PIK3CD: variants seen among roughly 807,000 people sequenced by gnomAD.
PIK3CD encodes phosphatidylinositol 4,5-bisphosphate 3-kinase catalytic subunit delta isoform.
Under a neutral mutation model 122.9 loss-of-function variants are expected in PIK3CD, and 20 were observed. That is an observed-to-expected ratio of 0.16 (90% CI 0.11 to 0.24). The LOEUF (loss-of-function observed/expected upper bound fraction) is 0.24. PIK3CD is among the 10% of genes least tolerant of loss of function. PIK3CD has a pLI of 1.00. For synonymous variants in PIK3CD, 596 were observed against 593.4 expected, an observed-to-expected ratio of 1.00 and a Z score of -0.06; for missense variants, 787 against 1,406.3, an observed-to-expected ratio of 0.56 and a Z score of 7.04.
Position 9,720,646 on chromosome 1 carries a change from T to A in PIK3CD, c.1506T>A (p.His502Gln). ...LELGRHSECVHVTEEEQLQLR... is the reference protein window; with the variant it reads ...LELGRHSECVQVTEEEQLQLR... ...TGGGGCGACACAGCGAGTGTGTGCA[T>A]GTCACCGAGGAGGAGGTGAGTGGGG... is the stretch of plus-strand genomic sequence containing the variant. Residue 502 changes from histidine to glutamine, a missense_variant, in exon 12 of 24, where the codon CAT (histidine) becomes CAA (glutamine). By Grantham distance (24) the His-to-Gln change is conservative (BLOSUM62 0). This residue lies in a region of PIK3CD where 592 missense variants were observed against 920.6 expected (regional missense o/e 0.64). Transcript: ENST00000377346. This position sits in a 1 kb window ranked among gnomAD's most constrained non-coding sequence, Gnocchi z 9.0. The A allele has an allele frequency of 1.5e-6, 2 of 1,297,108 alleles. No individual in the cohort carries two copies. Among genetic ancestry groups the A allele is most frequent in the Non-Finnish European group, 2.0e-6 (2 of 995,462 alleles). 80.3% of individuals were successfully genotyped at this position (1,297,108 alleles called of 1,614,324 possible).
At position 9,695,063 on chromosome 1, in the gene PIK3CD, A is replaced by C. The variant is rs572271751; in HGVS notation, c.-33+3492A>C. 7.2e-5 allele frequency among the ~76,000 whole-genome samples: 11 copies of C among 152,318 alleles called. No homozygotes were observed. The South Asian group carries it at 2.1e-3, about 29-fold the overall frequency. On this transcript the variant is annotated intron_variant, in intron 2 of 23. Transcript: ENST00000377346. Reference sequence around the variant, plus strand: ...AAAAAAAATTTGAGAAGTCACAAACAGGGTCGTATGGGGAAAAAAAGGCAC... The same window carrying C: ...AAAAAAAATTTGAGAAGTCACAAACCGGGTCGTATGGGGAAAAAAAGGCAC...
Position 9,717,976 on chromosome 1 carries a change from T to C in PIK3CD, c.1020+350T>C, listed in dbSNP as rs1647811470. Among the ~76,000 whole-genome samples, 1 of 152,000 alleles carries C rather than the reference T, an allele frequency of 6.6e-6. No individual in the cohort carries two copies. Among genetic ancestry groups the C allele is most frequent in the South Asian group, 2.1e-4 (1 of 4,818 alleles). The stretch of plus-strand genomic sequence containing the variant: ...CTGGGTCCAGCTGGGCTGGGGGCTG[T>C]GGTGCTCCCTGGAGGCACCAGGGCG... On this transcript the variant is annotated intron_variant, in intron 8 of 23. Coordinates refer to ENST00000377346, the MANE Select transcript of PIK3CD (RefSeq NM_005026.5). The surrounding 1 kb of genome is among the most constrained non-coding windows in gnomAD (Gnocchi z 5.4).
rs1467980864 is a variant in PIK3CD at position 9,710,142 on chromosome 1, C to T, written c.-32-282C>T. ...ACTGGCTTTCGTGGATGTGTATGTT[C>T]CTGAGGAAAGATGATTTGCTGTGCG... On this transcript the variant is annotated intron_variant, in intron 2 of 23. Transcript: ENST00000377346. This position sits in a 1 kb window ranked among gnomAD's most constrained non-coding sequence, Gnocchi z 4.7. The T allele has an allele frequency of 1.7e-5, 7 of 419,986 alleles. No individual in the cohort carries two copies. The highest frequency in any genetic ancestry group is 2.7e-5 in the Non-Finnish European group (6 of 222,390). The allele number at this position is 419,986 out of a possible 1,614,324, so 26.0% of individuals were successfully genotyped here.
chr1:9,710,061 C>T lies in PIK3CD; in HGVS notation c.-32-363C>T, dbSNP rs1646987793. ...CTGCAGCCTTCGGCCTCTCAGGTCT[C>T]AGGGCACCTGACCAGCTGTCCTGCC... On this transcript the variant is annotated intron_variant, in intron 2 of 23. Coordinates refer to ENST00000377346, the MANE Select transcript of PIK3CD (RefSeq NM_005026.5). This position sits in a 1 kb window ranked among gnomAD's most constrained non-coding sequence, Gnocchi z 4.7. 3.1e-6 allele frequency: 1 copy of T among 323,334 alleles called. No individual in the cohort carries two copies. 20.0% of individuals were successfully genotyped at this position (323,334 alleles called of 1,614,324 possible).
rs1309308175 is a variant in PIK3CD, at chr1:9,689,098, G to A, written c.-137-2369G>A. ...AGTCTGGCTCCGGCTCTGTGACCTG[G>A]GTCCAGTACCCCGCCCTTTCTGCGG... is the stretch of plus-strand genomic sequence containing the variant. On this transcript the variant is annotated intron_variant, in intron 1 of 23. Transcript: ENST00000377346. This position sits in a 1 kb window ranked among gnomAD's most constrained non-coding sequence, Gnocchi z 6.1. Among the ~76,000 whole-genome samples, 2 of 152,234 alleles carry A rather than the reference G, an allele frequency of 1.3e-5. 1 individual carries two copies. Among genetic ancestry groups the A allele is most frequent in the South Asian group, 4.1e-4 (2 of 4,834 alleles).
At position 9,668,182 on chromosome 1, in the gene PIK3CD, T is replaced by C. The variant is rs77798397; in HGVS notation, c.-138+16380T>C. ...CAACTCCCCGGGAGTTGGATTCATCTTGAAATTCAGTAATGCAGTAGTTAA... is the reference window on the plus strand; with the variant it reads ...CAACTCCCCGGGAGTTGGATTCATCCTGAAATTCAGTAATGCAGTAGTTAA... On this transcript the variant is annotated intron_variant, in intron 1 of 23. Transcript: ENST00000377346. Among the ~76,000 whole-genome samples, 1,195 of 152,250 alleles carry C rather than the reference T, an allele frequency of 7.8e-3. 35 individuals are homozygous for C. Among genetic ancestry groups the C allele is most frequent in the Admixed American group, 0.049 (745 of 15,264 alleles).
chr1:9,692,623 G>A (rs972168951), intron 2 of PIK3CD, among the ~76,000 whole-genome samples: 6 of 152,054 alleles, frequency 3.9e-5, no homozygotes, highest in Admixed American at 1.3e-4. Context: ...CCAGCTACTC[G>A]AGAGGCTGAG....
In PIK3CD at chr1:9,726,982, G is replaced by C; in HGVS notation, c.3071G>C (p.Arg1024Pro). Residue 1024 changes from arginine (R) to proline (P), a missense_variant, in exon 24 of 24, where the codon CGT becomes CCT. Around this residue, in one of 6 missense-constraint regions of PIK3CD, gnomAD observed 60 missense variants for 129.5 expected, o/e 0.46. Coordinates refer to ENST00000377346, the MANE Select transcript of PIK3CD (RefSeq NM_005026.5). ...CGAGTGAAGTTTAACGAAGCCCTCC[G>C]TGAGAGCTGGAAAACCAAAGTGAAC... ...HFRVKFNEALRESWKTKVNWL... is the reference protein window; with the variant it reads ...HFRVKFNEALPESWKTKVNWL... 1 of 1,614,040 alleles carries C rather than the reference G, an allele frequency of 6.2e-7. No homozygotes were observed. Among genetic ancestry groups the C allele is most frequent in the Non-Finnish European group, 8.5e-7 (1 of 1,179,978 alleles).
chr1:9,633,114 G>T, the PIK3CD span, among the ~76,000 whole-genome samples: 2 of 152,076 alleles, frequency 1.3e-5, no homozygotes, highest in Non-Finnish European at 2.9e-5. Flanking sequence ...GCCCGCCTCG[G>T]CCTCCCATAG....
the PIK3CD span, among the ~76,000 whole-genome samples, chr1:9,638,777 A>ATT: frequency 0.16 from 19,133 of 116,924 alleles, 1,936 homozygotes; most frequent in East Asian, 0.21. Context: ...CTTTTGCAAG[A>ATT]TTTTTTTTTT....
At chr1:9,650,311 A>G (rs575329948), upstream of PIK3CD, among the ~76,000 whole-genome samples, 8 of 152,236 alleles carry the variant, frequency 5.3e-5, no homozygotes, top group African/African-American at 1.7e-4. Context: ...AGTCCCAGCT[A>G]CTCAGGAGGC....
In PIK3CD at chr1:9,722,643, G is replaced by A; in HGVS notation, c.2426+37G>A. 6.4e-7 allele frequency: 1 copy of A among 1,558,932 alleles called. No homozygotes were observed. The highest frequency in any genetic ancestry group is 8.8e-7 in the Non-Finnish European group (1 of 1,130,236). Reference sequence around the variant, plus strand: ...CACCCCACATCGTCCCTTGGTGTCTGTGCCCAGCCTGGGAGTCTGTGCCCC... The same window carrying A: ...CACCCCACATCGTCCCTTGGTGTCTATGCCCAGCCTGGGAGTCTGTGCCCC... On this transcript the variant is annotated intron_variant, in intron 19 of 23. Coordinates refer to ENST00000377346, the MANE Select transcript of PIK3CD (RefSeq NM_005026.5). This position sits in a 1 kb window ranked among gnomAD's most constrained non-coding sequence, Gnocchi z 7.6.
the PIK3CD span, among the ~76,000 whole-genome samples, chr1:9,641,482 G>C: frequency 6.6e-6 from 1 of 152,226 alleles, no homozygotes; most frequent in Non-Finnish European, 1.5e-5. Flanking sequence ...ACAGCCGACA[G>C]ATGGTGGGGC....
chr1:9,717,241 C>A lies in PIK3CD; in HGVS notation c.930+133C>A. 8.5e-7 allele frequency: 1 copy of A among 1,177,460 alleles called. No individual in the cohort carries two copies. The highest frequency in any genetic ancestry group is 1.2e-6 in the Non-Finnish European group (1 of 810,278). The allele number at this position is 1,177,460 out of a possible 1,614,324, so 72.9% of individuals were successfully genotyped here. A position where few individuals can be genotyped will look rare whatever the true frequency, so the allele number is the denominator to read the frequency against. ...TGGGGCTTTGAGCTGGGGAAGCCAA[C>A]ACAGCTGACCAGCGTCCTGGGCTGG... is the stretch of plus-strand genomic sequence containing the variant. On this transcript the variant is annotated intron_variant, in intron 7 of 23. Coordinates refer to ENST00000377346, the MANE Select transcript of PIK3CD (RefSeq NM_005026.5). The surrounding 1 kb of genome is among the most constrained non-coding windows in gnomAD (Gnocchi z 5.4).
chr1:9,719,058 C>A lies in PIK3CD; in HGVS notation c.1242+143C>A. The A allele has an allele frequency of 1.3e-6, 1 of 786,696 alleles. No homozygotes were observed. The highest frequency in any genetic ancestry group is 2.1e-6 in the Non-Finnish European group (1 of 473,302). The allele number at this position is 786,696 out of a possible 1,614,324, so 48.7% of individuals were successfully genotyped here. A position where few individuals can be genotyped will look rare whatever the true frequency, so the allele number is the denominator to read the frequency against. On this transcript the variant is annotated intron_variant, in intron 9 of 23. Transcript: ENST00000377346. The surrounding 1 kb of genome is among the most constrained non-coding windows in gnomAD (Gnocchi z 5.5). ...GATTGCTTGTGGACCCCAGCCTCCT[C>A]ACCCACCCTAGTCTGGCCACCAGCC...
rs139514049 is a variant in PIK3CD at position 9,711,204 on chromosome 1, G to A, written c.141+608G>A. Among the ~76,000 whole-genome samples the A allele has an allele frequency of 7.8e-4, 117 of 150,648 alleles. No homozygotes were observed. In the East Asian group the frequency reaches 0.021, roughly 27 times the overall value. On this transcript the variant is annotated intron_variant, in intron 3 of 23. Transcript: ENST00000377346. ...TGCCTCCCAGGCTCAAGCAGTTCTC[G>A]TGCCTCAGCCTCCTGAGTAGCTGGG... is the stretch of plus-strand genomic sequence containing the variant.
At position 9,717,683 on chromosome 1, in the gene PIK3CD, T is replaced by C. The variant is rs563854366; in HGVS notation, c.1020+57T>C. 7.0e-5 allele frequency: 106 copies of C among 1,504,372 alleles called. 1 individual carries two copies. In the South Asian group the frequency reaches 1.1e-3, roughly 15 times the overall value. 93.2% of individuals were successfully genotyped at this position (1,504,372 alleles called of 1,614,324 possible). ...TGTTTTTTTGCACAAACAAGGTGGCTGTATCCTGGAGGGGTAGCAGAGGAA... is the reference window on the plus strand; with the variant it reads ...TGTTTTTTTGCACAAACAAGGTGGCCGTATCCTGGAGGGGTAGCAGAGGAA... On this transcript the variant is annotated intron_variant, in intron 8 of 23. Coordinates refer to ENST00000377346, the MANE Select transcript of PIK3CD (RefSeq NM_005026.5). The surrounding 1 kb of genome is among the most constrained non-coding windows in gnomAD (Gnocchi z 5.4).
Position 9,723,759 on chromosome 1 carries a change from T to C in PIK3CD, c.2595-210T>C, listed in dbSNP as rs1649060081. Among the ~76,000 whole-genome samples the C allele has an allele frequency of 6.6e-6, 1 of 152,140 alleles. No individual in the cohort carries two copies. Among genetic ancestry groups the C allele is most frequent in the Non-Finnish European group, 1.5e-5 (1 of 68,028 alleles). ...TCACCTTCCTTCCGTGGCTCTGTAT[T>C]GAGGGTATGGGGTTCAAGATCTGCA... On this transcript the variant is annotated intron_variant, in intron 20 of 23. Transcript: ENST00000377346. This position sits in a 1 kb window ranked among gnomAD's most constrained non-coding sequence, Gnocchi z 4.9.
chr1:9,705,159 C>T lies in PIK3CD; in HGVS notation c.-32-5265C>T, dbSNP rs559689868. Among the ~76,000 whole-genome samples, 39 of 151,992 alleles carry T rather than the reference C, an allele frequency of 2.6e-4. 1 individual carries two copies. The South Asian group carries it at 7.1e-3, about 28-fold the overall frequency. ...TAAAGGCAAAGATTGATAATTTGAC[C>T]GCATCAACATTAAAAACTTCTACTC... On this transcript the variant is annotated intron_variant, in intron 2 of 23. Transcript: ENST00000377346.
Sources: gnomAD v4.1 joint callset for allele counts (sites outside exome capture counted in the v4.1 genomes callset) on GRCh38, gnomAD v4.1.1 for gene constraint, gnomAD v4.1.1 regional missense constraint, Gnocchi (gnomAD v3.1) non-coding constraint, MANE v1.5 for transcripts, NCBI Gene and HGNC (gene_info 2026-07-23, HGNC 2026-07-21) for gene names.